LIMA1: variants seen among roughly 807,000 people sequenced by gnomAD.
The protein encoded by LIMA1 is LIM domain and actin-binding protein 1.
In LIMA1, 52 loss-of-function variants were observed where a neutral mutation model predicts 62.6. That is an observed-to-expected ratio of 0.83 (90% CI 0.67 to 1.05). The LOEUF (loss-of-function observed/expected upper bound fraction) is 1.05. LIMA1 is among the 50% of genes least tolerant of loss of function. The pLI, the probability that LIMA1 is intolerant of heterozygous loss-of-function variation, is 0.00. For missense variants in LIMA1, 780 were observed against 902.2 expected (o/e 0.86, Z 1.74); for synonymous variants, 302 against 317.8 (o/e 0.95, Z 0.53).
At chr12:50,253,199 T>C (rs888582504) in intron 1 of LIMA1, among the ~76,000 whole-genome samples, 1 of 152,186 alleles carries the variant, frequency 6.6e-6, no homozygotes, top group Non-Finnish European at 1.5e-5. Context: ...GAGACATACA[T>C]GTCAGCAAGA....
chr12:50,210,851 A>G (rs762372005), intron 4 of LIMA1, among the ~76,000 whole-genome samples: 3 of 152,320 alleles, frequency 2.0e-5, no homozygotes, highest in Non-Finnish European at 4.4e-5. Context: ...GAACAAAGCC[A>G]TTTGGTCTCA....
chr12:50,211,569 C>A (rs1941257871), intron 4 of LIMA1, among the ~76,000 whole-genome samples: 1 of 151,656 alleles, frequency 6.6e-6, no homozygotes, highest in Admixed American at 6.6e-5. Flanking sequence ...TGATTGAGTC[C>A]AGGAAGTCGA....
intron 2 of LIMA1, among the ~76,000 whole-genome samples, chr12:50,233,303 TA>T (rs1440968765): frequency 2.0e-5 from 3 of 149,772 alleles, no homozygotes; most frequent in Non-Finnish European, 4.5e-5. Flanking sequence ...CCAGGAAGAT[TA>T]AATGTAATCA....
At chr12:50,253,951 C>T (rs899804101) in intron 1 of LIMA1, among the ~76,000 whole-genome samples, 1 of 150,716 alleles carries the variant, frequency 6.6e-6, no homozygotes, top group African/African-American at 2.5e-5. Flanking sequence ...CTGCTTGAAC[C>T]CGGGAAGCAG....
chr12:50,198,324 T>C (rs1393846394), intron 7 of LIMA1, among the ~76,000 whole-genome samples: 1 of 152,026 alleles, frequency 6.6e-6, no homozygotes, highest in Non-Finnish European at 1.5e-5. Context: ...GCTGAGGGGA[T>C]TGCTTGAAGC....
chr12:50,280,773 A>G (rs1475118445), intron 1 of LIMA1, among the ~76,000 whole-genome samples: 1 of 152,164 alleles, frequency 6.6e-6, no homozygotes, highest in Non-Finnish European at 1.5e-5. Context: ...ATTAAGTAGA[A>G]ACTACTTCAT....
intron 10 of LIMA1, among the ~76,000 whole-genome samples, chr12:50,178,530 TAA>T (rs77510496): frequency 1.8e-4 from 22 of 124,766 alleles, no homozygotes; most frequent in Non-Finnish European, 2.6e-4. Context: ...GAGACTGTCT[TAA>T]AAAAAAAAAA....
At chr12:50,217,001 T>C (rs1267228147) in intron 4 of LIMA1, among the ~76,000 whole-genome samples, 1 of 152,156 alleles carries the variant, frequency 6.6e-6, no homozygotes, top group Admixed American at 6.6e-5. Context: ...TGCTTACCAC[T>C]ATACCACCAA....
In LIMA1 at chr12:50,283,489, C is replaced by T. The variant is rs1942365179; in HGVS notation, c.-93G>A. On this transcript the variant is annotated 5_prime_UTR_variant, in exon 1 of 11. Coordinates refer to ENST00000341247, the MANE Select transcript of LIMA1 (RefSeq NM_016357.5). Reference sequence around the variant, plus strand: ...ACAGGTCCCGGCGCTCTACCTAGCGCACCTGTCGCGACCAAGCTGCTAACA... The same window carrying T: ...ACAGGTCCCGGCGCTCTACCTAGCGTACCTGTCGCGACCAAGCTGCTAACA... 6.6e-6 allele frequency: 1 copy of T among 152,252 alleles called. No homozygotes were observed. The highest frequency in any genetic ancestry group is 1.5e-5 in the Non-Finnish European group (1 of 68,098). 9.4% of individuals were successfully genotyped at this position (152,252 alleles called of 1,614,324 possible). A position where few individuals can be genotyped will look rare whatever the true frequency, so the allele number is the denominator to read the frequency against.
intron 4 of LIMA1, among the ~76,000 whole-genome samples, chr12:50,219,975 G>A (rs115644908): frequency 0.023 from 3,488 of 151,628 alleles, 127 homozygotes; most frequent in African/African-American, 0.08. Context: ...GTAAGCCACC[G>A]TGCCCAGCCT....
At chr12:50,272,161 C>G (rs1475236540) in intron 1 of LIMA1, among the ~76,000 whole-genome samples, 1 of 152,010 alleles carries the variant, frequency 6.6e-6, no homozygotes, top group Non-Finnish European at 1.5e-5. Context: ...AGATGATGTG[C>G]TGTTTTTCAG....
At chr12:50,217,715 G>A in intron 4 of LIMA1, 1 of 284,190 alleles carries the variant, frequency 3.5e-6, no homozygotes, top group Admixed American at 4.1e-5. Context: ...GTGGGGGGAA[G>A]GTGTTCGATC....
rs575863335 is a variant in LIMA1 at position 50,209,975 on chromosome 12, T to C, written c.631-3907A>G. ...ACCGCGCCTGGCCCACCTTTTTATT[T>C]TGTTTTCAACATACTTCTTATTTGC... On this transcript the variant is annotated intron_variant, in intron 4 of 10. Coordinates refer to ENST00000341247, the MANE Select transcript of LIMA1 (RefSeq NM_016357.5). Among the ~76,000 whole-genome samples the C allele has an allele frequency of 2.0e-5, 3 of 152,260 alleles. No individual in the cohort carries two copies. In the East Asian group the frequency reaches 5.8e-4, roughly 29 times the overall value.
chr12:50,223,804 G>A (rs930594995), intron 3 of LIMA1, among the ~76,000 whole-genome samples: 23 of 152,160 alleles, frequency 1.5e-4, no homozygotes, highest in African/African-American at 4.3e-4. Context: ...TTGGGAGGCC[G>A]AGGCGGGTGG....
At chr12:50,204,943 G>T (rs776023125) in intron 5 of LIMA1, among the ~76,000 whole-genome samples, 2 of 152,078 alleles carry the variant, frequency 1.3e-5, no homozygotes, top group Non-Finnish European at 2.9e-5. Flanking sequence ...TAAATTTTGG[G>T]TTATTTTTAT....
chr12:50,178,173 G>T, intron 10 of LIMA1, 104 bp from the exon 11 acceptor site: 1 of 847,012 alleles, frequency 1.2e-6, no homozygotes, highest in Non-Finnish European at 1.7e-6. Flanking sequence ...AAGATGCCAA[G>T]TAAGAAAAAG....
At chr12:50,196,243 C>T (rs78404708) in intron 7 of LIMA1, among the ~76,000 whole-genome samples, 2,263 of 152,208 alleles carry the variant, frequency 0.015, 53 homozygotes, top group African/African-American at 0.05. Context: ...AGCTCCTCAC[C>T]GTATAACCAT....
At chr12:50,243,660 C>T (rs1941808589) in intron 2 of LIMA1, among the ~76,000 whole-genome samples, 1 of 152,180 alleles carries the variant, frequency 6.6e-6, no homozygotes, top group African/African-American at 2.4e-5. Flanking sequence ...TACTTCTATG[C>T]CTTTACCTCC....
At chr12:50,242,920 T>C (rs904806227) in intron 2 of LIMA1, among the ~76,000 whole-genome samples, 1 of 152,198 alleles carries the variant, frequency 6.6e-6, no homozygotes, top group African/African-American at 2.4e-5. Flanking sequence ...TCAATTAAGA[T>C]AGTTTAAAAA....
Sources: gnomAD v4.1 joint callset for allele counts (sites outside exome capture counted in the v4.1 genomes callset) on GRCh38, gnomAD v4.1.1 for gene constraint, MANE v1.5 for transcripts, NCBI Gene and HGNC (gene_info 2026-07-23, HGNC 2026-07-21) for gene names.